Variants in CORO2B observed in about 807,000 individuals in gnomAD.
CORO2B encodes coronin 2B, also known as coronin-2B.
CORO2B carries 26 observed loss-of-function variants against 58.8 expected under a neutral mutation model. The ratio of observed to expected loss-of-function variants is 0.44; its 90% CI spans 0.32 to 0.61. The LOEUF (loss-of-function observed/expected upper bound fraction) is 0.61, where lower values mean the gene tolerates loss of function less well. Ranked by LOEUF, CORO2B falls within the 20% of genes least tolerant of loss-of-function variation. The pLI is 0.04. For synonymous variants in CORO2B, 242 were observed against 253.8 expected (o/e 0.95, Z 0.44); for missense variants, 460 against 645.1 (o/e 0.71, Z 3.11).
chr15:68,699,573 T>C (rs1240308402), intron 3 of CORO2B, among the ~76,000 whole-genome samples: 2 of 152,066 alleles, frequency 1.3e-5, no homozygotes, highest in African/African-American at 4.8e-5. Context: ...AGAGAGGAAC[T>C]AAGCTCTCGC....
chr15:68,582,718 G>T (rs559248763), intron 1 of CORO2B, among the ~76,000 whole-genome samples: 2 of 152,270 alleles, frequency 1.3e-5, no homozygotes, highest in African/African-American at 4.8e-5. Context: ...CTTGCAACCC[G>T]CTTTGTACTG....
upstream of CORO2B, among the ~76,000 whole-genome samples, chr15:68,574,204 G>A (rs564600392): frequency 3.9e-5 from 6 of 152,330 alleles, no homozygotes; most frequent in East Asian, 5.8e-4. Context: ...TAGGGCAGTC[G>A]CTGTGCTGAC....
At chr15:68,549,981 T>TAAATA in the CORO2B span, among the ~76,000 whole-genome samples, 106 of 151,574 alleles carry the variant, frequency 7.0e-4, no homozygotes, top group Non-Finnish European at 1.2e-3. Flanking sequence ...AATAAATAAA[T>TAAATA]AAAGTTGCTG....
chr15:68,675,195 A>C (rs1023894431), intron 2 of CORO2B, among the ~76,000 whole-genome samples: 2 of 152,238 alleles, frequency 1.3e-5, no homozygotes, highest in Non-Finnish European at 2.9e-5. Flanking sequence ...CTAGTCCAGC[A>C]TGAATTGGAA....
intron 3 of CORO2B, among the ~76,000 whole-genome samples, chr15:68,697,721 G>A (rs1596022532): frequency 6.6e-6 from 1 of 152,222 alleles, no homozygotes; most frequent in East Asian, 1.9e-4. Flanking sequence ...GGCCAGGGCT[G>A]CAGAAGGAAG....
At chr15:68,523,196 C>G in the CORO2B span, among the ~76,000 whole-genome samples, 1 of 151,622 alleles carries the variant, frequency 6.6e-6, no homozygotes, top group Non-Finnish European at 1.5e-5. Flanking sequence ...TTTCTTTTTT[C>G]TTTTTTCTTT....
At chr15:68,641,216 G>A (rs140712057) in intron 1 of CORO2B, among the ~76,000 whole-genome samples, 11 of 152,290 alleles carry the variant, frequency 7.2e-5, no homozygotes, top group South Asian at 6.2e-4. Context: ...GCCCATCCCC[G>A]GGGAACACGC....
chr15:68,587,592 T>C (rs1232179161), intron 1 of CORO2B, among the ~76,000 whole-genome samples: 1 of 152,222 alleles, frequency 6.6e-6, no homozygotes, highest in East Asian at 1.9e-4. Flanking sequence ...CACCAGGTGC[T>C]AGGCCCCTGC....
Position 68,640,083 on chromosome 15 carries a change from A to G in CORO2B, c.16-5077A>G, listed in dbSNP as rs940451848. 5.9e-5 allele frequency among the ~76,000 whole-genome samples: 9 copies of G among 152,206 alleles called. No individual in the cohort carries two copies. The South Asian group carries it at 1.0e-3, about 18-fold the overall frequency. On this transcript the variant is annotated intron_variant, in intron 1 of 11. Coordinates refer to ENST00000261861, the MANE Select transcript of CORO2B (RefSeq NM_006091.5). ...AGTCTTTTCTGTTCCCTGCCTGCGC[A>G]CCCATGCATCTGACCTCACAGTGAG...
rs990325983 is a variant in CORO2B, at chr15:68,645,497, G to A, written c.216+137G>A. 76 of 787,306 alleles carry A rather than the reference G, an allele frequency of 9.7e-5. No individual in the cohort carries two copies. Among genetic ancestry groups the A allele is most frequent in the Non-Finnish European group, 1.3e-4 (66 of 505,810 alleles). The allele number at this position is 787,306 out of a possible 1,614,324, so 48.8% of individuals were successfully genotyped here. A position where few individuals can be genotyped will look rare whatever the true frequency, so the allele number is the denominator to read the frequency against. On this transcript the variant is annotated intron_variant, in intron 2 of 11. Coordinates refer to ENST00000261861, the MANE Select transcript of CORO2B (RefSeq NM_006091.5). This position sits in a 1 kb window ranked among gnomAD's most constrained non-coding sequence, Gnocchi z 4.5. ...TCCTCATCAAGCATCTAGTGGCTAT[G>A]CCTTCTTTAGGGTTTTCCTGAGATT... is the stretch of plus-strand genomic sequence containing the variant.
intron 11 of CORO2B, among the ~76,000 whole-genome samples, chr15:68,722,940 G>A (rs761590785): frequency 1.3e-4 from 19 of 151,840 alleles, no homozygotes; most frequent in Admixed American, 2.0e-4. Context: ...GGTGGCGCAC[G>A]CCTGTAATCC....
the CORO2B span, among the ~76,000 whole-genome samples, chr15:68,567,273 A>G: frequency 6.6e-6 from 1 of 152,212 alleles, no homozygotes; most frequent in South Asian, 2.1e-4. Context: ...TTAGTTTTAC[A>G]TGTACATGGG....
intron 1 of CORO2B, chr15:68,641,396 T>C (rs1901221615): frequency 2.9e-6 from 1 of 345,232 alleles, no homozygotes; most frequent in African/African-American, 2.2e-5. Context: ...AGATGCCTCC[T>C]TCCTGTGTCT....
At chr15:68,583,672 GA>G (rs1279534768) in intron 1 of CORO2B, among the ~76,000 whole-genome samples, 2 of 152,182 alleles carry the variant, frequency 1.3e-5, no homozygotes, top group East Asian at 3.9e-4. Flanking sequence ...TGGCGAGGGG[GA>G]TTATGAGGCC....
chr15:68,616,691 C>T (rs909304782), intron 1 of CORO2B: 25 of 881,734 alleles, frequency 2.8e-5, no homozygotes, highest in Admixed American at 6.2e-5. Flanking sequence ...CTCCCATGGG[C>T]GAGGGCTAGC....
At chr15:68,632,013 G>A (rs1266054099) in intron 1 of CORO2B, 5 of 985,464 alleles carry the variant, frequency 5.1e-6, no homozygotes, top group Non-Finnish European at 6.0e-6. Context: ...CTTTAGTAAT[G>A]AGGGAGGCAG....
intron 2 of CORO2B, among the ~76,000 whole-genome samples, chr15:68,672,074 A>C (rs1180517427): frequency 1.3e-5 from 2 of 151,498 alleles, no homozygotes; most frequent in Non-Finnish European, 2.9e-5. Flanking sequence ...AAAAGATCCC[A>C]CTCCACTTGT....
At chr15:68,564,958 T>A in the CORO2B span, among the ~76,000 whole-genome samples, 35 of 152,200 alleles carry the variant, frequency 2.3e-4, no homozygotes, top group African/African-American at 7.9e-4. Flanking sequence ...ATTTCTGGAA[T>A]TTTTTTTGTG....
chr15:68,691,701 C>T lies in CORO2B; in HGVS notation c.217-3439C>T, dbSNP rs181061709. ...TTTAAGCAATGGAGCTCATCAGTCT[C>T]TAGAAAGACTTGTCTCCTTCCCGAG... On this transcript the variant is annotated intron_variant, in intron 2 of 11. Transcript: ENST00000261861. Among the ~76,000 whole-genome samples the T allele has an allele frequency of 2.2e-3, 338 of 151,234 alleles. 2 individuals carry two copies. Among genetic ancestry groups the T allele is most frequent in the African/African-American group, 7.9e-3 (326 of 41,238 alleles).
Sources: allele counts gnomAD v4.1 joint callset (sites outside exome capture counted in the v4.1 genomes callset), GRCh38; gene constraint gnomAD v4.1.1; non-coding constraint Gnocchi (gnomAD v3.1); transcripts MANE v1.5; gene names NCBI Gene and HGNC (gene_info 2026-07-23, HGNC 2026-07-21).